LPP: variants seen among roughly 807,000 people sequenced by gnomAD.
LPP encodes the protein LIM domain containing preferred translocation partner in lipoma.
LPP carries 38 observed loss-of-function variants against 60.4 expected under a neutral mutation model. The ratio of observed to expected loss-of-function variants is 0.63; its 90% confidence interval spans 0.49 to 0.83. The LOEUF is 0.83. Ranked by LOEUF, LPP falls within the 40% of genes least tolerant of loss-of-function variation. The pLI, the probability that LPP is intolerant of heterozygous loss-of-function variation, is 0.00. For synonymous variants in LPP, 328 were observed against 290.8 expected, an observed-to-expected ratio of 1.13 and a Z score of -1.30; for missense variants, 902 against 783.6, an observed-to-expected ratio of 1.15 and a Z score of -1.80.
At chr3:188,408,511 C>T (rs1463891202) in intron 4 of LPP, among the ~76,000 whole-genome samples, 1 of 152,200 alleles carries the variant, frequency 6.6e-6, no homozygotes, top group African/African-American at 2.4e-5. Context: ...CCACCCCACA[C>T]GTTTTTGTTA....
intron 7 of LPP, among the ~76,000 whole-genome samples, chr3:188,663,845 T>C (rs966597902): frequency 8.6e-5 from 13 of 152,012 alleles, no homozygotes; most frequent in African/African-American, 3.1e-4. Context: ...GCAAACTAGG[T>C]CCCTTACATG....
At chr3:188,419,806 C>T (rs1202808339) in intron 4 of LPP, among the ~76,000 whole-genome samples, 1 of 152,210 alleles carries the variant, frequency 6.6e-6, no homozygotes. Context: ...AGGCGAATCA[C>T]TTGAACACAG....
intron 6 of LPP, among the ~76,000 whole-genome samples, chr3:188,592,935 A>G (rs906619719): frequency 6.6e-6 from 1 of 152,172 alleles, no homozygotes; most frequent in Non-Finnish European, 1.5e-5. Context: ...TTATTTAAAC[A>G]TTATTTAAAA....
chr3:188,240,449 G>C (rs570645904), intron 2 of LPP, among the ~76,000 whole-genome samples: 2 of 151,788 alleles, frequency 1.3e-5, no homozygotes, highest in Admixed American at 6.6e-5. Flanking sequence ...TTTGACAGTA[G>C]CAACTTCATA....
In LPP at chr3:188,880,617, C is replaced by G. The variant is rs1769852519; in HGVS notation, c.*6138C>G. 5.3e-6 allele frequency: 1 copy of G among 188,994 alleles called. No homozygotes were observed. Among genetic ancestry groups the G allele is most frequent in the African/African-American group, 2.3e-5 (1 of 42,840 alleles). 11.7% of individuals were successfully genotyped at this position (188,994 alleles called of 1,614,324 possible). On this transcript the variant is annotated 3_prime_UTR_variant, in exon 12 of 12. Coordinates refer to ENST00000617246, the MANE Select transcript of LPP (RefSeq NM_001375462.1). Reference sequence around the variant, plus strand: ...TTGTTAATTTTTCCTAGATACCCATCCACTTAAGGGCCAGAGAAATCCTTA... The same window carrying G: ...TTGTTAATTTTTCCTAGATACCCATGCACTTAAGGGCCAGAGAAATCCTTA...
intron 1 of LPP, among the ~76,000 whole-genome samples, chr3:188,193,556 C>T (rs1428541546): frequency 2.0e-5 from 3 of 152,210 alleles, no homozygotes; most frequent in African/African-American, 7.2e-5. Flanking sequence ...TAAACTTGCC[C>T]TGCTTTCCAC....
chr3:188,363,052 A>T (rs566153816), intron 3 of LPP, among the ~76,000 whole-genome samples: 144 of 150,814 alleles, frequency 9.5e-4, no homozygotes, highest in African/African-American at 3.4e-3. Flanking sequence ...TTTTTTTACA[A>T]CTGATGGGAA....
At chr3:188,770,869 A>C (rs2150678365) in intron 9 of LPP, among the ~76,000 whole-genome samples, 1 of 152,312 alleles carries the variant, frequency 6.6e-6, no homozygotes, top group South Asian at 2.1e-4. Context: ...CCTCACACTT[A>C]GAATGAAAAC....
rs577968245 is a variant in LPP, at chr3:188,218,898, C to T, written c.-189-6507C>T. ...ATTGCCCAAAGTGGGATTACTGGGT[C>T]ATTTAAAAGATGAAAACAATTTGGC... On this transcript the variant is annotated intron_variant, in intron 1 of 11. Transcript: ENST00000617246. Among the ~76,000 whole-genome samples the T allele has an allele frequency of 1.1e-3, 166 of 152,148 alleles. 1 individual carries two copies. Among genetic ancestry groups the T allele is most frequent in the African/African-American group, 4.0e-3 (165 of 41,450 alleles).
At chr3:188,503,503 A>G (rs1007382803) in intron 5 of LPP, among the ~76,000 whole-genome samples, 1 of 152,072 alleles carries the variant, frequency 6.6e-6, no homozygotes, top group East Asian at 1.9e-4. Flanking sequence ...GCGTCTGCCT[A>G]TTTGCCTTTT....
chr3:188,602,774 G>T (rs1009913558), intron 6 of LPP, among the ~76,000 whole-genome samples: 2 of 145,312 alleles, frequency 1.4e-5, no homozygotes, highest in East Asian at 2.0e-4. Context: ...CCCCTCCTTT[G>T]TTGTTCAGAT....
At chr3:188,715,376 CAAAAAAAAAAAAAAAAA>C (rs35761284) in intron 8 of LPP, among the ~76,000 whole-genome samples, 2 of 63,664 alleles carry the variant, frequency 3.1e-5, no homozygotes, top group Non-Finnish European at 4.8e-5. Flanking sequence ...GACTCCGTCT[CAAAAAAAAAAAAAAAAA>C]AAAAAAAAAA....
intron 7 of LPP, among the ~76,000 whole-genome samples, chr3:188,612,065 T>G (rs1843826647): frequency 6.6e-6 from 1 of 152,240 alleles, no homozygotes; most frequent in African/African-American, 2.4e-5. Context: ...TTACAGATTT[T>G]GGATATCAGT....
intron 4 of LPP, among the ~76,000 whole-genome samples, chr3:188,411,576 A>G (rs1436531093): frequency 1.3e-5 from 2 of 152,160 alleles, no homozygotes; most frequent in Non-Finnish European, 2.9e-5. Context: ...TATTCTGTGT[A>G]ACTGATGACA....
At chr3:188,241,245 T>C (rs60278201) in intron 2 of LPP, among the ~76,000 whole-genome samples, 1 of 152,216 alleles carries the variant, frequency 6.6e-6, no homozygotes, top group Non-Finnish European at 1.5e-5. Flanking sequence ...CAGGCCTCTC[T>C]GCAGCTGTTT....
At chr3:188,671,942 A>G (rs140628183) in intron 7 of LPP, among the ~76,000 whole-genome samples, 34 of 152,356 alleles carry the variant, frequency 2.2e-4, no homozygotes, top group African/African-American at 7.9e-4. Context: ...ATCTAATTAT[A>G]AAGAAAATAA....
intron 1 of LPP, among the ~76,000 whole-genome samples, chr3:188,166,374 G>T (rs922553807): frequency 3.9e-5 from 6 of 152,108 alleles, no homozygotes; most frequent in Non-Finnish European, 8.8e-5. Context: ...CAACCATTTC[G>T]TTGCCAATAA....
chr3:188,605,540 G>C (rs1027136504), intron 6 of LPP, among the ~76,000 whole-genome samples: 15 of 152,114 alleles, frequency 9.9e-5, no homozygotes, highest in African/African-American at 3.6e-4. Context: ...TTTGGGCTTA[G>C]TATTCAGAAT....
intron 3 of LPP, among the ~76,000 whole-genome samples, chr3:188,395,190 A>G (rs1780620752): frequency 6.6e-6 from 1 of 152,130 alleles, no homozygotes; most frequent in South Asian, 2.1e-4. Context: ...TTAGCAATAT[A>G]CTTATATTTT....
Sources: gnomAD v4.1 joint callset for allele counts (sites outside exome capture counted in the v4.1 genomes callset) on GRCh38, gnomAD v4.1.1 for gene constraint, MANE v1.5 for transcripts, NCBI Gene and HGNC (gene_info 2026-07-23, HGNC 2026-07-21) for gene names.